Variants in AGBL4 observed in about 807,000 individuals in gnomAD.
AGBL4 encodes the protein AGBL carboxypeptidase 4.
Under a neutral mutation model 66.4 loss-of-function variants are expected in AGBL4, and 58 were observed. The ratio of observed to expected loss-of-function variants is 0.87; its 90% confidence interval spans 0.71 to 1.09. AGBL4 has a LOEUF of 1.09. AGBL4 is among the 50% of genes least tolerant of loss of function. The pLI is 0.00. For synonymous variants in AGBL4, 234 were observed against 222.9 expected (o/e 1.05, Z -0.44); for missense variants, 579 against 631.0 (o/e 0.92, Z 0.88).
At chr1:49,502,999 C>T (rs992351372) in intron 3 of AGBL4, among the ~76,000 whole-genome samples, 12 of 152,096 alleles carry the variant, frequency 7.9e-5, no homozygotes, top group African/African-American at 2.7e-4. Context: ...GGGAAAAATG[C>T]TTCCAGGGCA....
At chr1:49,901,300 T>G (rs1649748854) in intron 1 of AGBL4, among the ~76,000 whole-genome samples, 1 of 152,126 alleles carries the variant, frequency 6.6e-6, no homozygotes, top group Non-Finnish European at 1.5e-5. Flanking sequence ...ACCCAACAGC[T>G]TATGTCCAAA....
At chr1:49,743,587 T>G (rs1650728962) in intron 2 of AGBL4, among the ~76,000 whole-genome samples, 1 of 152,124 alleles carries the variant, frequency 6.6e-6, no homozygotes, top group South Asian at 2.1e-4. Flanking sequence ...CATGCCGCTA[T>G]AAAGACACAT....
At position 49,395,036 on chromosome 1, in the gene AGBL4, A is replaced by T. The variant is rs1415986; in HGVS notation, c.283-149172T>A. ...AGGATATGAAAAGAAAAAAAATGCT[A>T]GACACACCTAACTCTATAAGCTGAG... is the stretch of plus-strand genomic sequence containing the variant. On this transcript the variant is annotated intron_variant, in intron 3 of 13. Coordinates refer to ENST00000371839, the MANE Select transcript of AGBL4 (RefSeq NM_032785.4). Among the ~76,000 whole-genome samples, 1,215 of 152,334 alleles carry T rather than the reference A, an allele frequency of 8.0e-3. 7 individuals carry two copies. Among genetic ancestry groups the T allele is most frequent in the Middle Eastern group, 0.031 (9 of 294 alleles).
intron 1 of AGBL4, among the ~76,000 whole-genome samples, chr1:49,963,636 T>G (rs942964035): frequency 6.6e-6 from 1 of 152,168 alleles, no homozygotes; most frequent in African/African-American, 2.4e-5. Flanking sequence ...CTGAGATTTC[T>G]GAAAATAACA....
rs534448505 is a variant in AGBL4, at chr1:49,119,134, T to G, written c.378-73334A>C. 3.3e-5 allele frequency among the ~76,000 whole-genome samples: 5 copies of G among 152,298 alleles called. No individual in the cohort carries two copies. In the East Asian group the frequency reaches 7.7e-4, roughly 23 times the overall value. On this transcript the variant is annotated intron_variant, in intron 4 of 13. Transcript: ENST00000371839. ...TAGTGTTCTATCAATTTTGTTGATC[T>G]TTTCAAAAAACCAGCTCCTGGATTC...
intron 6 of AGBL4, among the ~76,000 whole-genome samples, chr1:48,837,672 A>ACACACACACACG (rs1553242062): frequency 2.2e-5 from 3 of 139,138 alleles, no homozygotes; most frequent in African/African-American, 8.0e-5. Flanking sequence ...GAACACACAC[A>ACACACACACACG]CACACACACA....
At chr1:49,159,633 C>G (rs767396854) in intron 4 of AGBL4, among the ~76,000 whole-genome samples, 44 of 152,168 alleles carry the variant, frequency 2.9e-4, no homozygotes, top group Non-Finnish European at 4.9e-4. Context: ...GGAAGTTCTC[C>G]TGGATAATAT....
At chr1:48,760,137 A>T (rs1252418101) in intron 6 of AGBL4, among the ~76,000 whole-genome samples, 1 of 152,208 alleles carries the variant, frequency 6.6e-6, no homozygotes, top group Non-Finnish European at 1.5e-5. Flanking sequence ...AAGACAGTGG[A>T]TAGAGAGAAG....
At chr1:48,531,617 T>C (rs1643907090), downstream of AGBL4, among the ~76,000 whole-genome samples, 1 of 152,170 alleles carries the variant, frequency 6.6e-6, no homozygotes, top group Admixed American at 6.5e-5. Context: ...CTCCCTGGAT[T>C]TGGTTATTAC....
intron 3 of AGBL4, among the ~76,000 whole-genome samples, chr1:49,318,739 A>G (rs1039355851): frequency 6.6e-6 from 1 of 152,128 alleles, no homozygotes; most frequent in Non-Finnish European, 1.5e-5. Flanking sequence ...ATCTGGCTGT[A>G]GGGTTGTTGT....
At chr1:49,731,064 C>A (rs942516797) in intron 2 of AGBL4, among the ~76,000 whole-genome samples, 2 of 152,126 alleles carry the variant, frequency 1.3e-5, no homozygotes, top group African/African-American at 4.8e-5. Context: ...TAATGGAAAG[C>A]ATCAGACACA....
intron 4 of AGBL4, among the ~76,000 whole-genome samples, chr1:49,193,067 T>A (rs1343630333): frequency 6.6e-6 from 1 of 152,212 alleles, no homozygotes; most frequent in Non-Finnish European, 1.5e-5. Flanking sequence ...TTGTAATACC[T>A]TTCTCATTTC....
intron 6 of AGBL4, among the ~76,000 whole-genome samples, chr1:48,675,168 T>C (rs1467964912): frequency 6.6e-6 from 1 of 152,200 alleles, no homozygotes; most frequent in African/African-American, 2.4e-5. Flanking sequence ...ACCCATCGCA[T>C]GTTGGATCTT....
chr1:49,812,629 G>A (rs1290610916), intron 2 of AGBL4, among the ~76,000 whole-genome samples: 4 of 152,086 alleles, frequency 2.6e-5, no homozygotes, highest in Non-Finnish European at 2.9e-5. Flanking sequence ...TGGACTAGCT[G>A]GTCATTCTAG....
intron 3 of AGBL4, among the ~76,000 whole-genome samples, chr1:49,490,593 T>C (rs1275571880): frequency 6.6e-6 from 1 of 151,812 alleles, no homozygotes; most frequent in Admixed American, 6.6e-5. Flanking sequence ...TTCTCTCAAA[T>C]GTCAGAGAAC....
chr1:48,923,313 G>A (rs1442947424), intron 5 of AGBL4, among the ~76,000 whole-genome samples: 1 of 152,138 alleles, frequency 6.6e-6, no homozygotes, highest in Non-Finnish European at 1.5e-5. Context: ...CTGAGCCACA[G>A]GGACTTTCCA....
intron 3 of AGBL4, among the ~76,000 whole-genome samples, chr1:49,339,262 A>C (rs907976923): frequency 3.3e-5 from 5 of 152,246 alleles, no homozygotes; most frequent in Admixed American, 6.5e-5. Flanking sequence ...GCAGAACATT[A>C]AATTTCTATA....
chr1:49,331,817 G>T (rs1260034613), intron 3 of AGBL4, among the ~76,000 whole-genome samples: 3 of 151,452 alleles, frequency 2.0e-5, no homozygotes, highest in Non-Finnish European at 4.4e-5. Context: ...TGGCCAGACT[G>T]CTTCTTTAAG....
rs57646859 is a variant in AGBL4, at chr1:48,845,519, A to G, written c.634+21672T>C. On this transcript the variant is annotated intron_variant, in intron 6 of 13. Coordinates refer to ENST00000371839, the MANE Select transcript of AGBL4 (RefSeq NM_032785.4). The stretch of plus-strand genomic sequence containing the variant: ...GCCTGCATGAAATGTGGGTGAGGGA[A>G]GTTAAGGGGATTCAGAGTAAAGTCC... 1.5e-3 allele frequency among the ~76,000 whole-genome samples: 234 copies of G among 152,332 alleles called. 4 individuals carry two copies. Among genetic ancestry groups the G allele is most frequent in the African/African-American group, 5.5e-3 (227 of 41,572 alleles).
Sources: allele counts gnomAD v4.1 joint callset (sites outside exome capture counted in the v4.1 genomes callset), GRCh38; gene constraint gnomAD v4.1.1; transcripts MANE v1.5; gene names NCBI Gene and HGNC (gene_info 2026-07-23, HGNC 2026-07-21).